AFF3: variants seen among roughly 807,000 people sequenced by gnomAD.
The protein encoded by AFF3 is AF4/FMR2 family member 3.
AFF3 carries 32 observed loss-of-function variants against 129.7 expected under a neutral mutation model. The observed-to-expected ratio is 0.25, with a 90% confidence interval of 0.19 to 0.33. AFF3 has a LOEUF of 0.33. AFF3 is among the 10% of genes least tolerant of loss of function. AFF3 has a pLI of 1.00. For missense variants in AFF3, 1,373 were observed against 1,592.0 expected (o/e 0.86, Z 2.34); for synonymous variants, 644 against 635.4 (o/e 1.01, Z -0.20).
intron 4 of AFF3, among the ~76,000 whole-genome samples, chr2:100,049,797 G>C (rs2105127087): frequency 6.6e-6 from 1 of 152,232 alleles, no homozygotes; most frequent in South Asian, 2.1e-4. Flanking sequence ...TAATCCAATG[G>C]GCAGAGTGGG....
At chr2:99,672,419 G>A in intron 12 of AFF3, 119 bp downstream of exon 12, 1 of 887,250 alleles carries the variant, frequency 1.1e-6, no homozygotes, top group Non-Finnish European at 1.8e-6. Flanking sequence ...ACACTTAGCA[G>A]ACAAAAGACC....
intron 4 of AFF3, among the ~76,000 whole-genome samples, chr2:100,023,176 G>GT (rs1683740492): frequency 6.6e-6 from 1 of 152,188 alleles, no homozygotes; most frequent in South Asian, 2.1e-4. Context: ...TAAGTATCTG[G>GT]TGTTCCTTCT....
chr2:99,641,591 T>A (rs1684197806), intron 13 of AFF3, among the ~76,000 whole-genome samples: 1 of 152,106 alleles, frequency 6.6e-6, no homozygotes, highest in African/African-American at 2.4e-5. Context: ...GGCATGAGAA[T>A]CATTTGAACC....
At chr2:100,008,412 C>G (rs1461111738) in intron 5 of AFF3, among the ~76,000 whole-genome samples, 1 of 152,236 alleles carries the variant, frequency 6.6e-6, no homozygotes, top group Admixed American at 6.5e-5. Flanking sequence ...AACAGGTACT[C>G]TAATCCTAGC....
chr2:99,577,436 G>A (rs3792125), intron 18 of AFF3, among the ~76,000 whole-genome samples: 21,793 of 152,094 alleles, frequency 0.14, 1,623 homozygotes, highest in South Asian at 0.26. Flanking sequence ...GGGACTCTTG[G>A]ACATGTAGAG....
chr2:99,816,250 T>C (rs923224221), intron 8 of AFF3, among the ~76,000 whole-genome samples: 1 of 152,224 alleles, frequency 6.6e-6, no homozygotes, highest in Admixed American at 6.5e-5. Context: ...TAATCTTGCA[T>C]GCTGTTTACC....
chr2:100,108,908 CTTTTTT>C (rs34769933), intron 2 of AFF3, among the ~76,000 whole-genome samples: 9 of 88,108 alleles, frequency 1.0e-4, no homozygotes, highest in South Asian at 4.3e-4. Context: ...CATTTCTTTC[CTTTTTT>C]TTTTTTTTTT....
intron 7 of AFF3, among the ~76,000 whole-genome samples, chr2:99,935,747 C>G (rs143505476): frequency 6.6e-6 from 1 of 152,306 alleles, no homozygotes; most frequent in East Asian, 1.9e-4. Flanking sequence ...TCTATTTTGG[C>G]AGGGTCTGCC....
At chr2:99,565,734 C>T in intron 19 of AFF3, 111 bp from the exon 20 acceptor site, 1 of 1,194,218 alleles carries the variant, frequency 8.4e-7, no homozygotes, top group South Asian at 1.6e-5. Flanking sequence ...CTTCTAAAAT[C>T]CTATGAAGCT....
At chr2:99,984,423 T>C (rs1679678480) in intron 7 of AFF3, among the ~76,000 whole-genome samples, 1 of 152,136 alleles carries the variant, frequency 6.6e-6, no homozygotes, top group Admixed American at 6.6e-5. Flanking sequence ...AGGAAACATA[T>C]TGAGAGGAAA....
chr2:100,075,259 A>G (rs986654861), intron 4 of AFF3, among the ~76,000 whole-genome samples: 2 of 152,112 alleles, frequency 1.3e-5, no homozygotes, highest in South Asian at 2.1e-4. Flanking sequence ...TGACTCCCCA[A>G]TCCACCTCTT....
intron 13 of AFF3, among the ~76,000 whole-genome samples, chr2:99,625,110 GA>G (rs1682420119): frequency 6.6e-6 from 1 of 152,244 alleles, no homozygotes; most frequent in Non-Finnish European, 1.5e-5. Context: ...GGGCGAGATA[GA>G]ATTTTGACTT....
intron 8 of AFF3, among the ~76,000 whole-genome samples, chr2:99,807,141 G>A (rs981048998): frequency 6.6e-6 from 1 of 152,166 alleles, no homozygotes; most frequent in Non-Finnish European, 1.5e-5. Context: ...CTGTTCCCAT[G>A]TTCATGAATT....
intron 8 of AFF3, among the ~76,000 whole-genome samples, chr2:99,805,217 A>G (rs997501188): frequency 2.0e-5 from 3 of 152,214 alleles, no homozygotes; most frequent in Admixed American, 6.5e-5. Context: ...ATTCAATCCC[A>G]TGCTTGGTTT....
rs1413683051 is a variant in AFF3, at chr2:99,601,489, C to G, written c.1317G>C (p.Glu439Asp). ...TGCCCTCACTCTCGCTGGAGCTGCT[C>G]TCGGTCTCCGAGTCAGATCCGGAGC... is the stretch of plus-strand genomic sequence containing the variant. ...ESSSGSDSET[E>D]SSSSESEGSK... The change falls in exon 14 of 25, where the codon GAG (glutamate) becomes GAC (aspartate). Residue 439 changes from glutamate to aspartate, a missense_variant. Glu to Asp is a conservative substitution (Grantham distance 45). This residue lies in a region of AFF3 where 413 missense variants were observed against 424.4 expected (regional missense o/e 0.97). Transcript: ENST00000672756. 1.2e-6 allele frequency: 2 copies of G among 1,609,530 alleles called. No homozygotes were observed. The highest frequency in any genetic ancestry group is 8.5e-7 in the Non-Finnish European group (1 of 1,178,422).
At chr2:99,754,869 T>G (rs1681960103) in intron 8 of AFF3, among the ~76,000 whole-genome samples, 1 of 152,242 alleles carries the variant, frequency 6.6e-6, no homozygotes, top group Admixed American at 6.5e-5. Context: ...ACTGTAACTG[T>G]GTCTTATGTA....
chr2:100,071,165 TTTC>T (rs1388967534), intron 4 of AFF3, among the ~76,000 whole-genome samples: 1 of 152,230 alleles, frequency 6.6e-6, no homozygotes, highest in Non-Finnish European at 1.5e-5. Flanking sequence ...TAATGCTACA[TTTC>T]TTCTTGTCAA....
chr2:99,855,470 C>CA (rs1008422679), intron 7 of AFF3, among the ~76,000 whole-genome samples: 13 of 151,232 alleles, frequency 8.6e-5, no homozygotes, highest in East Asian at 5.8e-4. Flanking sequence ...AAAATGAGAG[C>CA]AAAAAAAATA....
At chr2:99,570,100 CCATT>C (rs1676340377) in intron 18 of AFF3, among the ~76,000 whole-genome samples, 1 of 152,182 alleles carries the variant, frequency 6.6e-6, no homozygotes, top group African/African-American at 2.4e-5. Context: ...CTGGAGCCGT[CCATT>C]CATTGTGGTG....
Sources: allele counts gnomAD v4.1 joint callset (sites outside exome capture counted in the v4.1 genomes callset), GRCh38; gene constraint gnomAD v4.1.1; regional missense constraint gnomAD v4.1.1; transcripts MANE v1.5; gene names NCBI Gene and HGNC (gene_info 2026-07-23, HGNC 2026-07-21).